The following CLNK variants were observed in gnomAD, a reference collection of about 807,000 sequenced individuals.
CLNK encodes cytokine dependent hematopoietic cell linker, also known as cytokine-dependent hematopoietic cell linker.
CLNK carries 74 observed loss-of-function variants against 68.6 expected under a neutral mutation model. That is an observed-to-expected ratio of 1.08 (90% CI 0.89 to 1.31). The LOEUF is 1.31. CLNK is among the 50% of genes most tolerant of loss of function. The probability of loss-of-function intolerance (pLI) is 0.00; values close to 1 mark genes in which losing one functional copy is unlikely to be tolerated. For synonymous variants in CLNK, 198 were observed against 172.2 expected (o/e 1.15, Z -1.17); for missense variants, 553 against 515.3 (o/e 1.07, Z -0.71).
At chr4:10,554,402 A>G (rs1035392033) in intron 8 of CLNK, among the ~76,000 whole-genome samples, 6 of 152,128 alleles carry the variant, frequency 3.9e-5, no homozygotes, top group Non-Finnish European at 8.8e-5. Context: ...AATTTTCTGG[A>G]GCTTCTTTTA....
Position 10,487,168 on chromosome 4 carries a change from G to C in CLNK, c.*3299C>G, listed in dbSNP as rs542223517. On this transcript the variant is annotated 3_prime_UTR_variant, in exon 19 of 19. Coordinates refer to ENST00000226951, the MANE Select transcript of CLNK (RefSeq NM_052964.4). Reference sequence around the variant, plus strand: ...CTAAACGTGAGGTAATGGTTGAAAAGGGATTAAAACACTGGAATTTGGGCA... The same window carrying C: ...CTAAACGTGAGGTAATGGTTGAAAACGGATTAAAACACTGGAATTTGGGCA... 1 of 152,306 alleles carries C rather than the reference G, an allele frequency of 6.6e-6. No homozygotes were observed. Among genetic ancestry groups the C allele is most frequent in the Admixed American group, 6.5e-5 (1 of 15,296 alleles). The allele number at this position is 152,306 out of a possible 1,614,324, so 9.4% of individuals were successfully genotyped here.
At chr4:10,571,458 G>A (rs61795105) in intron 5 of CLNK, among the ~76,000 whole-genome samples, 6,195 of 150,472 alleles carry the variant, frequency 0.041, 190 homozygotes, top group Middle Eastern at 0.096. Flanking sequence ...CCTCAGCCTC[G>A]TGAGTAGCTG....
At chr4:10,726,541 T>G in the CLNK span, among the ~76,000 whole-genome samples, 1 of 152,196 alleles carries the variant, frequency 6.6e-6, no homozygotes, top group African/African-American at 2.4e-5. Flanking sequence ...TTGCTCTGTT[T>G]CCAGGTAAGG....
chr4:10,608,401 G>C (rs972471279), intron 2 of CLNK, among the ~76,000 whole-genome samples: 1 of 151,942 alleles, frequency 6.6e-6, no homozygotes, highest in Non-Finnish European at 1.5e-5. Flanking sequence ...TGGTCTTCTG[G>C]TACCAGCACA....
chr4:10,665,010 G>A (rs3935222), intron 2 of CLNK, among the ~76,000 whole-genome samples: 74,184 of 152,030 alleles, frequency 0.49, 18,849 homozygotes, highest in Non-Finnish European at 0.57. Context: ...TTGGGACTAG[G>A]GGAGGAAAAG....
the CLNK span, among the ~76,000 whole-genome samples, chr4:10,706,627 A>G: frequency 6.6e-6 from 1 of 152,152 alleles, no homozygotes; most frequent in African/African-American, 2.4e-5. Context: ...GAGCTGCCCA[A>G]CTATTTTTCT....
the CLNK span, chr4:10,697,305 C>T: frequency 1.3e-5 from 2 of 152,200 alleles, no homozygotes; most frequent in Non-Finnish European, 2.9e-5. Flanking sequence ...TACTGTGGTT[C>T]ATTTAACATC....
At chr4:10,556,532 A>T (rs61795096) in intron 8 of CLNK, among the ~76,000 whole-genome samples, 4,061 of 152,282 alleles carry the variant, frequency 0.027, 71 homozygotes, top group Non-Finnish European at 0.041. Context: ...AAGAAGTGAG[A>T]GTGGATGCCC....
intron 2 of CLNK, among the ~76,000 whole-genome samples, chr4:10,650,569 G>C (rs1377237693): frequency 2.0e-5 from 3 of 151,988 alleles, no homozygotes; most frequent in African/African-American, 7.2e-5. Context: ...TTGCCAAAGG[G>C]AATAAGAAAT....
chr4:10,601,913 T>A (rs772264468), intron 2 of CLNK, among the ~76,000 whole-genome samples: 7 of 152,190 alleles, frequency 4.6e-5, no homozygotes, highest in Non-Finnish European at 8.8e-5. Flanking sequence ...ACTGAGCACA[T>A]CCTGGGAAAG....
chr4:10,679,998 C>T (rs1725031388), intron 1 of CLNK, among the ~76,000 whole-genome samples: 1 of 152,032 alleles, frequency 6.6e-6, no homozygotes, highest in Non-Finnish European at 1.5e-5. Context: ...ACCATTTGAC[C>T]CAGCCATCTC....
intron 4 of CLNK, among the ~76,000 whole-genome samples, chr4:10,574,750 G>A (rs1367208797): frequency 6.6e-6 from 1 of 152,208 alleles, no homozygotes; most frequent in Non-Finnish European, 1.5e-5. Flanking sequence ...CCTGGGCCTG[G>A]TTAAAGATTG....
chr4:10,514,636 A>T (rs1168488201), intron 15 of CLNK, among the ~76,000 whole-genome samples: 3 of 151,214 alleles, frequency 2.0e-5, no homozygotes, highest in Non-Finnish European at 4.4e-5. Flanking sequence ...TAGACCAAAA[A>T]CCATAAAAAC....
intron 2 of CLNK, among the ~76,000 whole-genome samples, chr4:10,663,227 G>A (rs969983043): frequency 2.0e-5 from 3 of 152,216 alleles, no homozygotes; most frequent in East Asian, 3.8e-4. Context: ...TAATAGCACC[G>A]AGGAATGAGG....
At chr4:10,495,547 T>G (rs1197353388) in intron 18 of CLNK, among the ~76,000 whole-genome samples, 1 of 152,178 alleles carries the variant, frequency 6.6e-6, no homozygotes, top group Non-Finnish European at 1.5e-5. Flanking sequence ...AAAGGAGCAG[T>G]GGGTGCTAAA....
the CLNK span, among the ~76,000 whole-genome samples, chr4:10,727,585 C>T: frequency 6.6e-6 from 1 of 152,190 alleles, no homozygotes; most frequent in Non-Finnish European, 1.5e-5. Flanking sequence ...AAAGCATCTA[C>T]ACACCCTATG....
intron 14 of CLNK, among the ~76,000 whole-genome samples, chr4:10,522,115 G>T (rs1017935489): frequency 1.3e-5 from 2 of 151,744 alleles, no homozygotes; most frequent in Admixed American, 1.3e-4. Flanking sequence ...AAAATTAGCC[G>T]GGCATGGTGG....
At chr4:10,719,969 A>C in the CLNK span, among the ~76,000 whole-genome samples, 6 of 152,142 alleles carry the variant, frequency 3.9e-5, no homozygotes, top group Non-Finnish European at 8.8e-5. Context: ...GTCAAAGAGG[A>C]TGTCTCCGTG....
At chr4:10,638,728 G>T (rs1226432497) in intron 2 of CLNK, among the ~76,000 whole-genome samples, 1 of 152,092 alleles carries the variant, frequency 6.6e-6, no homozygotes, top group African/African-American at 2.4e-5. Context: ...GTTTGCTTGG[G>T]CTTGCCATAG....
Sources: gnomAD v4.1 joint callset for allele counts (sites outside exome capture counted in the v4.1 genomes callset) on GRCh38, gnomAD v4.1.1 for gene constraint, MANE v1.5 for transcripts, NCBI Gene and HGNC (gene_info 2026-07-23, HGNC 2026-07-21) for gene names.